PITPNB: variants seen among roughly 807,000 people sequenced by gnomAD.
The protein encoded by PITPNB is phosphatidylinositol transfer protein beta isoform.
A neutral mutation model predicts 45.9 loss-of-function variants in PITPNB; 16 were observed. The ratio of observed to expected loss-of-function variants is 0.35; its 90% CI spans 0.24 to 0.53. The LOEUF (loss-of-function observed/expected upper bound fraction) is 0.53. Ranked by LOEUF, PITPNB falls within the 20% of genes least tolerant of loss-of-function variation. The pLI is 0.93. For synonymous variants in PITPNB, 112 were observed against 108.9 expected, an observed-to-expected ratio of 1.03 and a Z score of -0.18; for missense variants, 188 against 330.5, an observed-to-expected ratio of 0.57 and a Z score of 3.34.
chr22:27,855,918 T>C lies in PITPNB; in HGVS notation c.769-979A>G, dbSNP rs534004693. Among the ~76,000 whole-genome samples, 126 of 152,318 alleles carry C rather than the reference T, an allele frequency of 8.3e-4. 1 individual carries two copies. The South Asian group carries it at 0.024, about 30-fold the overall frequency. ...TCTGCGTGTGAAGAGGACTCTAAAA[T>C]GGGATGCCTCTTCAGGAGGCAGGTG... On this transcript the variant is annotated intron_variant, in intron 10 of 11. Transcript: ENST00000335272.
intron 7 of PITPNB, 103 bp from the exon 8 acceptor site, chr22:27,873,918 C>T: frequency 1.4e-6 from 1 of 723,950 alleles, no homozygotes; most frequent in Non-Finnish European, 2.5e-6. Flanking sequence ...GGACAGAAAT[C>T]AATTAGACTC....
chr22:27,907,038 A>C (rs1418088764), intron 3 of PITPNB, among the ~76,000 whole-genome samples: 1 of 152,224 alleles, frequency 6.6e-6, no homozygotes, highest in Non-Finnish European at 1.5e-5. Flanking sequence ...CAAAAGTAAA[A>C]TAAGGCCTTG....
chr22:27,883,444 T>C (rs1935030232), intron 7 of PITPNB, among the ~76,000 whole-genome samples: 1 of 152,220 alleles, frequency 6.6e-6, no homozygotes, highest in African/African-American at 2.4e-5. Flanking sequence ...GAAGGGTGCC[T>C]ATGCTACAAT....
chr22:27,919,215 G>GCCGCCGATA lies in PITPNB; in HGVS notation c.-33_-25dup. The stretch of plus-strand genomic sequence containing the variant: ...ATCTTCCCGGAACCCCCTCACAGCT[G>GCCGCCGATA]CCGCCGATACCACCGCCGCCGCCGC... On this transcript the variant is annotated 5_prime_UTR_variant, in exon 1 of 12. Transcript: ENST00000335272. 2 of 1,601,992 alleles carry GCCGCCGATA rather than the reference G, an allele frequency of 1.2e-6. No individual in the cohort carries two copies. The highest frequency in any genetic ancestry group is 1.3e-5 in the African/African-American group (1 of 74,830).
At chr22:27,878,638 G>T (rs1934885465) in intron 7 of PITPNB, among the ~76,000 whole-genome samples, 1 of 152,286 alleles carries the variant, frequency 6.6e-6, no homozygotes, top group South Asian at 2.1e-4. Flanking sequence ...GGGCTGGGCT[G>T]AAGTTTATCT....
chr22:27,907,887 G>A (rs775867202), intron 3 of PITPNB, among the ~76,000 whole-genome samples: 5 of 151,940 alleles, frequency 3.3e-5, no homozygotes, highest in Non-Finnish European at 5.9e-5. Flanking sequence ...GCAATGACAA[G>A]TAAATGAGTG....
chr22:27,865,345 A>T (rs949868493), intron 8 of PITPNB, among the ~76,000 whole-genome samples: 2 of 152,222 alleles, frequency 1.3e-5, no homozygotes, highest in African/African-American at 4.8e-5. Context: ...GATGTTTAAT[A>T]AATTAAATCT....
chr22:27,868,234 C>G (rs1461678914), intron 8 of PITPNB, among the ~76,000 whole-genome samples: 2 of 152,158 alleles, frequency 1.3e-5, no homozygotes, highest in Non-Finnish European at 2.9e-5. Context: ...GGGCGGCTAA[C>G]AAGTAAAAAA....
At chr22:27,909,652 C>T (rs1935862505) in intron 3 of PITPNB, among the ~76,000 whole-genome samples, 1 of 152,064 alleles carries the variant, frequency 6.6e-6, no homozygotes, top group Admixed American at 6.6e-5. Flanking sequence ...TCTTGAAGGG[C>T]AATTTTGGCA....
chr22:27,900,950 A>G (rs1293366989), intron 3 of PITPNB, among the ~76,000 whole-genome samples: 1 of 152,210 alleles, frequency 6.6e-6, no homozygotes, highest in East Asian at 1.9e-4. Context: ...AGAGCCTCAG[A>G]AAAGGAACAA....
chr22:27,867,558 T>C (rs1354038120), intron 8 of PITPNB, among the ~76,000 whole-genome samples: 1 of 152,228 alleles, frequency 6.6e-6, no homozygotes, highest in African/African-American at 2.4e-5. Flanking sequence ...CCAAACTTAA[T>C]TTTTTGTATG....
At position 27,851,764 on chromosome 22, in the gene PITPNB, T is replaced by A. The variant is rs892935370; in HGVS notation, c.*1938A>T. 6.6e-6 allele frequency: 1 copy of A among 152,220 alleles called. No individual in the cohort carries two copies. Among genetic ancestry groups the A allele is most frequent in the Non-Finnish European group, 1.5e-5 (1 of 68,038 alleles). The allele number at this position is 152,220 out of a possible 1,614,324, so 9.4% of individuals were successfully genotyped here. On this transcript the variant is annotated 3_prime_UTR_variant, in exon 12 of 12. Transcript: ENST00000335272. The stretch of plus-strand genomic sequence containing the variant: ...AGACTGGCAAGTAAACTAGGTATTT[T>A]ACATTCACCACACATTCCCTCAAAT...
chr22:27,912,598 G>C (rs1428555029), intron 2 of PITPNB, among the ~76,000 whole-genome samples: 3 of 151,806 alleles, frequency 2.0e-5, no homozygotes, highest in Non-Finnish European at 4.4e-5. Context: ...TTCATGGCAT[G>C]CTACTTAGTT....
At chr22:27,895,589 C>CAA (rs945482523) in intron 6 of PITPNB, among the ~76,000 whole-genome samples, 3 of 124,676 alleles carry the variant, frequency 2.4e-5, no homozygotes, top group Non-Finnish European at 3.5e-5. Context: ...GACTCTGTCT[C>CAA]AAAAAAAAAA....
chr22:27,915,335 C>T (rs1402315074), intron 1 of PITPNB, among the ~76,000 whole-genome samples: 1 of 151,534 alleles, frequency 6.6e-6, no homozygotes, highest in Non-Finnish European at 1.5e-5. Flanking sequence ...TTCTTTTTTT[C>T]TTGCAGTAAG....
At chr22:27,911,642 T>TTA (rs1935927317) in intron 2 of PITPNB, among the ~76,000 whole-genome samples, 1 of 152,190 alleles carries the variant, frequency 6.6e-6, no homozygotes, top group African/African-American at 2.4e-5. Context: ...GTCCAAATCT[T>TTA]AGTAGACTTC....
At chr22:27,895,012 G>C (rs1421835455) in intron 6 of PITPNB, among the ~76,000 whole-genome samples, 4 of 152,084 alleles carry the variant, frequency 2.6e-5, no homozygotes, top group Non-Finnish European at 5.9e-5. Flanking sequence ...CAAACATAAG[G>C]TGACATTACA....
In PITPNB at chr22:27,883,458, C is replaced by T. The variant is rs1450142704; in HGVS notation, c.457-9643G>A. Among the ~76,000 whole-genome samples, 3 of 152,234 alleles carry T rather than the reference C, an allele frequency of 2.0e-5. No homozygotes were observed. In the East Asian group the frequency reaches 5.8e-4, roughly 29 times the overall value. Reference sequence around the variant, plus strand: ...AGAAGGGTGCCTATGCTACAATCTTCACCATTAATAATGTATACTAGAATG... The same window carrying T: ...AGAAGGGTGCCTATGCTACAATCTTTACCATTAATAATGTATACTAGAATG... On this transcript the variant is annotated intron_variant, in intron 7 of 11. Transcript: ENST00000335272.
At chr22:27,910,239 C>T (rs1160787660) in intron 3 of PITPNB, among the ~76,000 whole-genome samples, 1 of 152,010 alleles carries the variant, frequency 6.6e-6, no homozygotes, top group Non-Finnish European at 1.5e-5. Context: ...CGTGAGCCAC[C>T]GCGCCTGGCC....
Sources: allele counts gnomAD v4.1 joint callset (sites outside exome capture counted in the v4.1 genomes callset), GRCh38; gene constraint gnomAD v4.1.1; transcripts MANE v1.5; gene names NCBI Gene and HGNC (gene_info 2026-07-23, HGNC 2026-07-21).